ABL1: variants seen among roughly 807,000 people sequenced by gnomAD.
The protein encoded by ABL1 is tyrosine-protein kinase ABL1.
In ABL1, 11 loss-of-function variants were observed where a neutral mutation model predicts 94.7. That is an observed-to-expected ratio of 0.12 (90% CI 0.07 to 0.19). The LOEUF (loss-of-function observed/expected upper bound fraction) is 0.19. Ranked by LOEUF, ABL1 falls within the 10% of genes least tolerant of loss-of-function variation. ABL1 has a pLI of 1.00. For synonymous variants in ABL1, 656 were observed against 622.4 expected, an observed-to-expected ratio of 1.05 and a Z score of -0.80; for missense variants, 1,082 against 1,489.4, an observed-to-expected ratio of 0.73 and a Z score of 4.50.
intron 1 of ABL1, among the ~76,000 whole-genome samples, chr9:130,774,972 A>G (rs1225826318): frequency 2.0e-5 from 3 of 152,206 alleles, no homozygotes; most frequent in African/African-American, 7.2e-5. Flanking sequence ...AGTGAGAGGA[A>G]ACAAAAACCT....
intron 4 of ABL1, among the ~76,000 whole-genome samples, chr9:130,869,520 C>T (rs1156230680): frequency 6.6e-6 from 1 of 152,204 alleles, no homozygotes; most frequent in Non-Finnish European, 1.5e-5. Context: ...TTAACCGCTC[C>T]GCCGTACCGC....
At chr9:130,730,608 G>T (rs567173225) in intron 1 of ABL1, among the ~76,000 whole-genome samples, 4 of 148,146 alleles carry the variant, frequency 2.7e-5, no homozygotes, top group Non-Finnish European at 6.0e-5. Flanking sequence ...GTCTTATTCT[G>T]TTGCCCAGGC....
intron 1 of ABL1, among the ~76,000 whole-genome samples, chr9:130,769,563 T>C (rs1464301353): frequency 6.6e-6 from 1 of 152,106 alleles, no homozygotes; most frequent in Non-Finnish European, 1.5e-5. Context: ...GGTCTCAAAC[T>C]CCTGACCTCA....
intron 1 of ABL1, among the ~76,000 whole-genome samples, chr9:130,745,257 T>C (rs913785081): frequency 6.6e-6 from 1 of 151,980 alleles, no homozygotes; most frequent in African/African-American, 2.4e-5. Flanking sequence ...GCTAATTTTG[T>C]ATTTTTAGTA....
chr9:130,855,411 A>C (rs1830957826), intron 3 of ABL1, among the ~76,000 whole-genome samples: 1 of 152,196 alleles, frequency 6.6e-6, no homozygotes, highest in Admixed American at 6.5e-5. Context: ...CCTTTAAAAA[A>C]AATATTTTAT....
At chr9:130,787,226 C>T (rs148165599) in intron 1 of ABL1, among the ~76,000 whole-genome samples, 178 of 152,264 alleles carry the variant, frequency 1.2e-3, no homozygotes, top group African/African-American at 4.1e-3. Flanking sequence ...AGGATGGGGA[C>T]TTTCTTGGTT....
At chr9:130,765,302 G>A (rs564825004) in intron 1 of ABL1, among the ~76,000 whole-genome samples, 2 of 152,238 alleles carry the variant, frequency 1.3e-5, no homozygotes, top group African/African-American at 4.8e-5. Context: ...CAGTGCTACA[G>A]CCAGCAACCC....
upstream of ABL1, among the ~76,000 whole-genome samples, chr9:130,833,020 ATTATTCATT>A (rs1830511026): frequency 6.6e-6 from 1 of 152,200 alleles, no homozygotes; most frequent in Non-Finnish European, 1.5e-5. Flanking sequence ...GTTTATAAGC[ATTATTCATT>A]TTAAGAGGAT....
At chr9:130,724,194 C>T (rs1234145418) in intron 1 of ABL1, among the ~76,000 whole-genome samples, 2 of 152,288 alleles carry the variant, frequency 1.3e-5, no homozygotes, top group African/African-American at 4.8e-5. Flanking sequence ...ACTGCAGCCT[C>T]GAACTCCTCA....
At chr9:130,744,431 A>G (rs1208587821) in intron 1 of ABL1, among the ~76,000 whole-genome samples, 1 of 151,038 alleles carries the variant, frequency 6.6e-6, no homozygotes, top group African/African-American at 2.4e-5. Context: ...GTGAGCCACC[A>G]CGCCTGGCCC....
At chr9:130,846,062 T>G (rs1271795210) in intron 1 of ABL1, among the ~76,000 whole-genome samples, 1 of 150,998 alleles carries the variant, frequency 6.6e-6, no homozygotes, top group African/African-American at 2.5e-5. Context: ...ACAAAGGCTG[T>G]GTTCAGTTAA....
chr9:130,767,203 T>C (rs1413919192), intron 1 of ABL1, among the ~76,000 whole-genome samples: 1 of 152,238 alleles, frequency 6.6e-6, no homozygotes, highest in Non-Finnish European at 1.5e-5. Flanking sequence ...TTTTCATTTC[T>C]TTGCAGCTCA....
chr9:130,739,082 C>T (rs1293080561), intron 1 of ABL1, among the ~76,000 whole-genome samples: 11 of 152,094 alleles, frequency 7.2e-5, no homozygotes, highest in African/African-American at 2.4e-4. Flanking sequence ...TTAGTAGAGA[C>T]GTGGTTTCAC....
Position 130,854,386 on chromosome 9 carries a change from G to A in ABL1, c.253+149G>A, listed in dbSNP as rs183775781. 18 of 917,074 alleles carry A rather than the reference G, an allele frequency of 2.0e-5. No individual in the cohort carries two copies. In the African/African-American group the frequency reaches 2.5e-4, roughly 13 times the overall value. 56.8% of individuals were successfully genotyped at this position (917,074 alleles called of 1,614,324 possible). On this transcript the variant is annotated intron_variant, in intron 2 of 10. Transcript: ENST00000318560. ...AAACAACAACTGCATGTTTCTAAGGGAGTCGACTCTCCTTAGAGGAGTTCT... is the reference window on the plus strand; with the variant it reads ...AAACAACAACTGCATGTTTCTAAGGAAGTCGACTCTCCTTAGAGGAGTTCT...
chr9:130,749,896 G>A (rs1402828909), intron 1 of ABL1, among the ~76,000 whole-genome samples: 2 of 151,964 alleles, frequency 1.3e-5, no homozygotes, highest in Non-Finnish European at 2.9e-5. Flanking sequence ...TGCCAAGGCC[G>A]GGCACAGTGG....
intron 7 of ABL1, 68 bp downstream of exon 7, chr9:130,875,120 T>C (rs775475105): frequency 1.3e-5 from 20 of 1,482,102 alleles, no homozygotes; most frequent in Non-Finnish European, 1.8e-5. Flanking sequence ...GCCTCTTTCT[T>C]GCTCTTCCCT....
chr9:130,815,195 G>A (rs1006081539), intron 1 of ABL1, among the ~76,000 whole-genome samples: 1 of 151,808 alleles, frequency 6.6e-6, no homozygotes, highest in Non-Finnish European at 1.5e-5. Flanking sequence ...TTAGTCAGGC[G>A]TGATAGCACA....
At chr9:130,849,056 A>G (rs1406276156) in intron 1 of ABL1, among the ~76,000 whole-genome samples, 2 of 152,208 alleles carry the variant, frequency 1.3e-5, no homozygotes, top group Non-Finnish European at 2.9e-5. Flanking sequence ...CATAGTTGGG[A>G]CCATGCCTAT....
chr9:130,882,027 T>A (rs1831465506), intron 10 of ABL1, among the ~76,000 whole-genome samples: 1 of 152,118 alleles, frequency 6.6e-6, no homozygotes, highest in Non-Finnish European at 1.5e-5. Flanking sequence ...AAATTTGCAA[T>A]ACTTCCCGCC....
Sources: allele counts gnomAD v4.1 joint callset (sites outside exome capture counted in the v4.1 genomes callset), GRCh38; gene constraint gnomAD v4.1.1; transcripts MANE v1.5; gene names NCBI Gene and HGNC (gene_info 2026-07-23, HGNC 2026-07-21).